The following CSMD3 variants were observed in gnomAD, a reference collection of about 807,000 sequenced individuals.
CSMD3 encodes the protein CUB and sushi domain-containing protein 3.
In CSMD3, 177 loss-of-function variants were observed where a neutral mutation model predicts 435.2. The ratio of observed to expected loss-of-function variants is 0.41; its 90% CI spans 0.36 to 0.46. The LOEUF is 0.46. CSMD3 is among the 20% of genes least tolerant of loss of function. The pLI is 0.34. For synonymous variants in CSMD3, 1,656 were observed against 1,520.5 expected (o/e 1.09, Z -2.07); for missense variants, 4,265 against 4,504.6 (o/e 0.95, Z 1.52).
chr8:112,495,140 A>G (rs1218620112), intron 30 of CSMD3, among the ~76,000 whole-genome samples: 1 of 152,220 alleles, frequency 6.6e-6, no homozygotes, highest in Non-Finnish European at 1.5e-5. Flanking sequence ...TTGTTTATTT[A>G]TAAAAAATAA....
Position 112,642,045 on chromosome 8 carries a change from G to A in CSMD3, c.3310+3064C>T, listed in dbSNP as rs186535491. Among the ~76,000 whole-genome samples the A allele has an allele frequency of 1.2e-3, 182 of 152,064 alleles. 1 individual carries two copies. In the Middle Eastern group the frequency reaches 0.02, roughly 17 times the overall value. On this transcript the variant is annotated intron_variant, in intron 20 of 70. Coordinates refer to ENST00000297405, the MANE Select transcript of CSMD3 (RefSeq NM_198123.2). The stretch of plus-strand genomic sequence containing the variant: ...TATCGTAATTACTTCTAGTAAGAAT[G>A]CTAATTCAAGATGCCCAATAAAGGT...
rs557811489 is a variant in CSMD3, at chr8:112,601,174, A to G, written c.3716-13939T>C. 2.6e-5 allele frequency among the ~76,000 whole-genome samples: 4 copies of G among 152,244 alleles called. No homozygotes were observed. In the East Asian group the frequency reaches 7.7e-4, roughly 29 times the overall value. On this transcript the variant is annotated intron_variant, in intron 22 of 70. Transcript: ENST00000297405. The stretch of plus-strand genomic sequence containing the variant: ...TAGTATAGATTTTTTAATCTAATAG[A>G]TTAATTTCTCTGCATACTATATGCA...
intron 32 of CSMD3, among the ~76,000 whole-genome samples, chr8:112,423,801 C>A (rs1015372285): frequency 8.5e-5 from 13 of 152,148 alleles, no homozygotes; most frequent in Non-Finnish European, 1.8e-4. Context: ...TACTAGCTGA[C>A]AAGCAATGAG....
At position 112,656,387 on chromosome 8, in the gene CSMD3, A is replaced by G. The variant is rs1192779762; in HGVS notation, c.2817-46T>C. The G allele has an allele frequency of 2.8e-6, 4 of 1,409,860 alleles. No homozygotes were observed. In the African/African-American group the frequency reaches 5.7e-5, roughly 20 times the overall value. 87.3% of individuals were successfully genotyped at this position (1,409,860 alleles called of 1,614,324 possible). On this transcript the variant is annotated intron_variant, in intron 17 of 70. Coordinates refer to ENST00000297405, the MANE Select transcript of CSMD3 (RefSeq NM_198123.2). ...TGAAAATATATTTAGAATTAACACT[A>G]TATATGGAAATAATGCTTTGGACTG...
chr8:113,038,832 A>G (rs1284217962), intron 5 of CSMD3, among the ~76,000 whole-genome samples: 2 of 152,164 alleles, frequency 1.3e-5, no homozygotes, highest in Non-Finnish European at 2.9e-5. Context: ...AACTTATAGT[A>G]TTTGTAACGG....
At chr8:112,998,789 G>T (rs952466756) in intron 6 of CSMD3, among the ~76,000 whole-genome samples, 1 of 151,896 alleles carries the variant, frequency 6.6e-6, no homozygotes, top group Admixed American at 6.6e-5. Flanking sequence ...CTTTGGTGCT[G>T]TTTTGGTGAT....
Position 112,682,599 on chromosome 8 carries a change from T to G in CSMD3, c.2520A>C (p.Pro840=), listed in dbSNP as rs2075924741. The change falls in exon 16 of 71, where the codon CCA becomes CCC. Residue 840 remains proline (P), a synonymous_variant. Coordinates refer to ENST00000297405, the MANE Select transcript of CSMD3 (RefSeq NM_198123.2). ...GHNECPDPGI[P]INARRFGDNF... The stretch of plus-strand genomic sequence containing the variant: ...TGTCCCCAAACCGCCGTGCATTGAT[T>G]GGTATTCCAGGATCAGGGCATTCAT... The G allele has an allele frequency of 1.9e-6, 3 of 1,613,692 alleles. No homozygotes were observed. Among genetic ancestry groups the G allele is most frequent in the Non-Finnish European group, 2.5e-6 (3 of 1,179,604 alleles).
At chr8:113,286,048 A>G (rs1487945937) in intron 2 of CSMD3, among the ~76,000 whole-genome samples, 1 of 151,856 alleles carries the variant, frequency 6.6e-6, no homozygotes, top group Non-Finnish European at 1.5e-5. Context: ...TTCATTTTAA[A>G]TTTTATGGTT....
In CSMD3 at chr8:112,231,592, C is replaced by A. The variant is rs2129893573; in HGVS notation, c.10781G>T (p.Gly3594Val). The A allele has an allele frequency of 6.2e-7, 1 of 1,612,408 alleles. No homozygotes were observed. The highest frequency in any genetic ancestry group is 8.5e-7 in the Non-Finnish European group (1 of 1,178,762). The stretch of plus-strand genomic sequence containing the variant: ...TCCATAATCTTTGCCTTGAATAAAT[C>A]CTTGAAATACATAAGTAGCTCCATC... ...EPDGATYVFQ[G>V]FIQGKDYGQF... The change falls in exon 69 of 71, where the codon GGA (glycine) becomes GTA (valine). Residue 3594 changes from glycine to valine, a missense_variant. Physicochemically the swap from Gly to Val is moderately radical, Grantham distance 109. Around this residue, in one of 3 missense-constraint regions of CSMD3, gnomAD observed 3,255 missense variants for 3,380.2 expected, o/e 0.96. Transcript: ENST00000297405.
chr8:113,290,581 G>A (rs762696297), intron 2 of CSMD3, among the ~76,000 whole-genome samples: 1 of 151,424 alleles, frequency 6.6e-6, no homozygotes, highest in Non-Finnish European at 1.5e-5. Context: ...AATACAACTG[G>A]TAAATAACAT....
intron 10 of CSMD3, among the ~76,000 whole-genome samples, chr8:112,912,056 A>G (rs1418156596): frequency 6.7e-6 from 1 of 148,924 alleles, no homozygotes; most frequent in Non-Finnish European, 1.5e-5. Context: ...TATTTCAATT[A>G]TTTGATTTTT....
At chr8:112,432,763 T>C (rs1355288879) in intron 32 of CSMD3, among the ~76,000 whole-genome samples, 1 of 152,084 alleles carries the variant, frequency 6.6e-6, no homozygotes, top group Non-Finnish European at 1.5e-5. Context: ...CATTTTTTAA[T>C]GTGGGTCTCA....
chr8:112,264,692 T>C (rs1816766864), intron 60 of CSMD3, among the ~76,000 whole-genome samples: 1 of 152,144 alleles, frequency 6.6e-6, no homozygotes, highest in Non-Finnish European at 1.5e-5. Context: ...AAATTATTAA[T>C]TTTGTTAGAT....
At chr8:112,699,276 A>G (rs2076331650) in intron 13 of CSMD3, among the ~76,000 whole-genome samples, 1 of 152,082 alleles carries the variant, frequency 6.6e-6, no homozygotes, top group Non-Finnish European at 1.5e-5. Context: ...CCACGAACCC[A>G]CCAGAAGGAA....
chr8:112,372,268 G>A (rs953148848), intron 38 of CSMD3, among the ~76,000 whole-genome samples: 5 of 152,086 alleles, frequency 3.3e-5, no homozygotes, highest in African/African-American at 9.7e-5. Flanking sequence ...TTAAGTGGGG[G>A]AATATTACAA....
intron 3 of CSMD3, among the ~76,000 whole-genome samples, chr8:113,275,920 C>T (rs1379608653): frequency 2.0e-5 from 3 of 151,942 alleles, no homozygotes; most frequent in Admixed American, 6.6e-5. Flanking sequence ...TTTACTGTAT[C>T]ATACACAGGG....
chr8:113,060,153 C>G (rs1484776833), intron 5 of CSMD3, among the ~76,000 whole-genome samples: 1 of 104,008 alleles, frequency 9.6e-6, no homozygotes, highest in African/African-American at 3.7e-5. Flanking sequence ...CCTCCCCCGA[C>G]CCCACCACAG....
intron 26 of CSMD3, among the ~76,000 whole-genome samples, chr8:112,551,325 T>C (rs1309100740): frequency 6.6e-6 from 1 of 152,006 alleles, no homozygotes; most frequent in East Asian, 1.9e-4. Flanking sequence ...TCCCAAAGAG[T>C]GGCATAGTCA....
chr8:112,973,763 A>T (rs1366157302), intron 7 of CSMD3, among the ~76,000 whole-genome samples: 1 of 151,788 alleles, frequency 6.6e-6, no homozygotes, highest in Non-Finnish European at 1.5e-5. Flanking sequence ...ATATTAAGAG[A>T]TTGTGTCTAG....
Sources: allele counts gnomAD v4.1 joint callset (sites outside exome capture counted in the v4.1 genomes callset), GRCh38; gene constraint gnomAD v4.1.1; regional missense constraint gnomAD v4.1.1; transcripts MANE v1.5; gene names NCBI Gene and HGNC (gene_info 2026-07-23, HGNC 2026-07-21).